NRG1: variants seen among roughly 807,000 people sequenced by gnomAD.
NRG1 encodes neuregulin 1, also known as pro-neuregulin-1, membrane-bound isoform.
NRG1 carries 18 observed loss-of-function variants against 63.8 expected under a neutral mutation model. The ratio of observed to expected loss-of-function variants is 0.28; its 90% CI spans 0.19 to 0.42. The LOEUF (loss-of-function observed/expected upper bound fraction) is 0.42. NRG1 is among the 10% of genes least tolerant of loss of function. The pLI, the probability that NRG1 is intolerant of heterozygous loss-of-function variation, is 1.00. For missense variants in NRG1, 762 were observed against 814.7 expected (o/e 0.94, Z 0.79); for synonymous variants, 302 against 301.3 (o/e 1.00, Z -0.02).
intron 1 of NRG1, among the ~76,000 whole-genome samples, chr8:31,775,669 G>A (rs929944302): frequency 1.3e-5 from 2 of 151,950 alleles, no homozygotes; most frequent in African/African-American, 4.8e-5. Context: ...GGATCATGAT[G>A]TCAGGAGATC....
intron 1 of NRG1, among the ~76,000 whole-genome samples, chr8:31,713,583 C>T (rs900571135): frequency 6.6e-6 from 1 of 152,040 alleles, no homozygotes; most frequent in Non-Finnish European, 1.5e-5. Context: ...AATTTATTTC[C>T]TTTTGCTTCT....
rs1803627196 is a variant in NRG1, at chr8:31,640,395, C to G, written c.37+964C>G. ...CCGAGGAGCCGCTGCTCGCCGCCAA[C>G]GGGACCGTGCCCTCTTGGCCCACCG... On this transcript the variant is annotated intron_variant, in intron 1 of 10. Coordinates refer to the NRG1 transcript ENST00000519301. This position sits in a 1 kb window ranked among gnomAD's most constrained non-coding sequence, Gnocchi z 6.3. The G allele has an allele frequency of 2.9e-6, 4 of 1,395,808 alleles. No homozygotes were observed. The highest frequency in any genetic ancestry group is 2.9e-5 in the Admixed American group (1 of 34,592). 86.5% of individuals were successfully genotyped at this position (1,395,808 alleles called of 1,614,324 possible). A position where few individuals can be genotyped will look rare whatever the true frequency, so the allele number is the denominator to read the frequency against.
intron 1 of NRG1, among the ~76,000 whole-genome samples, chr8:32,562,376 T>C (rs1588324677): frequency 6.6e-6 from 1 of 152,118 alleles, no homozygotes; most frequent in East Asian, 1.9e-4. Context: ...ACCTCCCAAG[T>C]AGCTGGGACT....
chr8:32,272,025 TACTC>T (rs1417229782), intron 1 of NRG1, among the ~76,000 whole-genome samples: 3 of 152,354 alleles, frequency 2.0e-5, no homozygotes, highest in Middle Eastern at 3.4e-3. Flanking sequence ...TTCATTTATT[TACTC>T]ACTCAGGTTA....
chr8:31,921,386 G>A (rs1212065176), intron 1 of NRG1, among the ~76,000 whole-genome samples: 1 of 152,016 alleles, frequency 6.6e-6, no homozygotes. Flanking sequence ...TGCCAAGGAG[G>A]TTCTTTTTCG....
chr8:31,904,480 TAGTC>T (rs746551973), intron 1 of NRG1, among the ~76,000 whole-genome samples: 2 of 152,192 alleles, frequency 1.3e-5, no homozygotes, highest in Non-Finnish European at 2.9e-5. Flanking sequence ...GGAAAGCAGT[TAGTC>T]AGTTTCTCAA....
intron 1 of NRG1, among the ~76,000 whole-genome samples, chr8:31,893,805 G>A (rs1831341349): frequency 6.6e-6 from 1 of 151,902 alleles, no homozygotes; most frequent in African/African-American, 2.4e-5. Context: ...CATTTTTAGA[G>A]ATAAATATTC....
intron 1 of NRG1, among the ~76,000 whole-genome samples, chr8:32,587,353 G>GC (rs1197656911): frequency 1.3e-5 from 2 of 152,196 alleles, no homozygotes; most frequent in African/African-American, 4.8e-5. Context: ...CTCGGCTGAG[G>GC]CAGGGTCCAG....
intron 1 of NRG1, among the ~76,000 whole-genome samples, chr8:32,534,879 G>C (rs1003451652): frequency 6.6e-6 from 1 of 152,072 alleles, no homozygotes; most frequent in East Asian, 1.9e-4. Context: ...AGCATTCTAA[G>C]ATTGTTCCAG....
chr8:31,902,955 C>A (rs747948623), intron 1 of NRG1, among the ~76,000 whole-genome samples: 10 of 152,070 alleles, frequency 6.6e-5, no homozygotes, highest in Non-Finnish European at 1.2e-4. Context: ...AGAACTTCTA[C>A]CTTGTTCTCC....
At chr8:32,683,395 T>G (rs891477752) in intron 5 of NRG1, among the ~76,000 whole-genome samples, 1 of 152,198 alleles carries the variant, frequency 6.6e-6, no homozygotes, top group Non-Finnish European at 1.5e-5. Flanking sequence ...GGAAATTGAC[T>G]GTAGATGCAA....
At chr8:31,674,899 C>T (rs948161596) in intron 1 of NRG1, among the ~76,000 whole-genome samples, 2 of 152,188 alleles carry the variant, frequency 1.3e-5, no homozygotes, top group African/African-American at 4.8e-5. Flanking sequence ...TGTGGGGTAG[C>T]ACTATCCTTT....
chr8:32,742,089 A>C lies in NRG1; in HGVS notation c.633-586A>C. The C allele has an allele frequency of 6.2e-7, 1 of 1,611,098 alleles. No individual in the cohort carries two copies. The highest frequency in any genetic ancestry group is 8.5e-7 in the Non-Finnish European group (1 of 1,177,462). On this transcript the variant is annotated intron_variant, in intron 6 of 11. Transcript: ENST00000356819. The surrounding 1 kb of genome is among the most constrained non-coding windows in gnomAD (Gnocchi z 4.2). ...AAAACCAAGAAAGTATGTCAAAATA[A>C]TCTGAAATTTGCTTTCTCCCCCAAC...
intron 1 of NRG1, among the ~76,000 whole-genome samples, chr8:32,135,812 C>T (rs1194545287): frequency 6.6e-6 from 1 of 151,828 alleles, no homozygotes; most frequent in East Asian, 1.9e-4. Flanking sequence ...ATGAAATCAC[C>T]TAAATAGTAC....
rs146290852 is a variant in NRG1, at chr8:31,693,803, C to T, written c.37+54372C>T. Among the ~76,000 whole-genome samples the T allele has an allele frequency of 4.5e-4, 69 of 152,198 alleles. 1 individual carries two copies. In the East Asian group the frequency reaches 0.011, roughly 23 times the overall value. On this transcript the variant is annotated intron_variant, in intron 1 of 10. Transcript: ENST00000519301. ...TTATGACTGTCCTGTCATAAATTGC[C>T]GTAGTTTCAGAGTGCATACAACATC...
At chr8:32,426,999 T>A (rs777406276) in intron 1 of NRG1, among the ~76,000 whole-genome samples, 188 of 152,188 alleles carry the variant, frequency 1.2e-3, no homozygotes, top group Admixed American at 4.6e-3. Flanking sequence ...TTTTTTTTTT[T>A]ATCATTCCTT....
intron 1 of NRG1, among the ~76,000 whole-genome samples, chr8:31,889,806 G>C (rs964520660): frequency 6.6e-6 from 1 of 152,144 alleles, no homozygotes; most frequent in Non-Finnish European, 1.5e-5. Context: ...CCTAGTTATG[G>C]GAGTTGGAGA....
chr8:32,070,691 T>C (rs980364766), intron 1 of NRG1, among the ~76,000 whole-genome samples: 1 of 152,194 alleles, frequency 6.6e-6, no homozygotes, highest in South Asian at 2.1e-4. Flanking sequence ...CAAGCTCTCT[T>C]ACTCCCTAGA....
chr8:32,404,563 C>CTCATTCTGTT (rs1813687985), intron 1 of NRG1, among the ~76,000 whole-genome samples: 1 of 148,330 alleles, frequency 6.7e-6, no homozygotes, highest in Admixed American at 6.7e-5. Flanking sequence ...GTCTCAGAAA[C>CTCATTCTGTT]TCATTCTGTT....
Sources: gnomAD v4.1 joint callset for allele counts (sites outside exome capture counted in the v4.1 genomes callset) on GRCh38, gnomAD v4.1.1 for gene constraint, Gnocchi (gnomAD v3.1) non-coding constraint, MANE v1.5 for transcripts, NCBI Gene and HGNC (gene_info 2026-07-23, HGNC 2026-07-21) for gene names.